Variants in GPHN observed in about 807,000 individuals in gnomAD.
The protein encoded by GPHN is gephyrin.
In GPHN, 17 loss-of-function variants were observed where a neutral mutation model predicts 95.5. The ratio of observed to expected loss-of-function variants is 0.18; its 90% CI spans 0.12 to 0.27. The LOEUF is 0.27. Ranked by LOEUF, GPHN falls within the 10% of genes least tolerant of loss-of-function variation. The pLI is 1.00. For missense variants in GPHN, 660 were observed against 978.1 expected (o/e 0.67, Z 4.34); for synonymous variants, 320 against 322.5 (o/e 0.99, Z 0.08).
At chr14:67,363,766 G>T in the GPHN span, among the ~76,000 whole-genome samples, 1 of 152,182 alleles carries the variant, frequency 6.6e-6, no homozygotes, top group African/African-American at 2.4e-5. Flanking sequence ...ATATAGGCAG[G>T]TGCCAATTAA....
rs562867339 is a variant in GPHN, at chr14:67,095,431, A to G, written c.1238-5425A>G. Among the ~76,000 whole-genome samples the G allele has an allele frequency of 5.5e-3, 843 of 152,084 alleles. 7 individuals carry two copies. Among genetic ancestry groups the G allele is most frequent in the Admixed American group, 9.8e-3 (149 of 15,270 alleles). On this transcript the variant is annotated intron_variant, in intron 12 of 22. Transcript: ENST00000478722. ...TGGCCCAGCCATCCCATTACTGGGT[A>G]TATACCCAAAGGACTATAAATCATG...
intron 9 of GPHN, among the ~76,000 whole-genome samples, chr14:67,013,646 G>T (rs994918660): frequency 1.3e-5 from 2 of 151,854 alleles, no homozygotes; most frequent in Non-Finnish European, 2.9e-5. Flanking sequence ...ACATATATTT[G>T]TACATCTTTC....
chr14:66,562,192 T>C (rs1950041041), intron 1 of GPHN, among the ~76,000 whole-genome samples: 1 of 152,156 alleles, frequency 6.6e-6, no homozygotes, highest in Admixed American at 6.6e-5. Flanking sequence ...GTTCTGTCTC[T>C]GGGGTCCTGT....
At position 67,119,650 on chromosome 14, in the gene GPHN, C is replaced by T. The variant is rs1394549324; in HGVS notation, c.1627-2606C>T. 2.0e-5 allele frequency among the ~76,000 whole-genome samples: 3 copies of T among 151,942 alleles called. No homozygotes were observed. The East Asian group carries it at 5.8e-4, about 29-fold the overall frequency. ...TACTAAAAATACAAAATTAGCCGGG[C>T]GTGGTGGCGCATGCCTGTAATCCCA... On this transcript the variant is annotated intron_variant, in intron 16 of 22. Transcript: ENST00000478722.
At chr14:67,143,547 G>A in intron 18 of GPHN, 98 bp downstream of exon 18, 1 of 818,622 alleles carries the variant, frequency 1.2e-6, no homozygotes, top group South Asian at 1.3e-5. Context: ...TCATAACGAG[G>A]CTCCCACAAA....
the GPHN span, among the ~76,000 whole-genome samples, chr14:67,252,721 G>GA: frequency 6.6e-6 from 1 of 152,132 alleles, no homozygotes; most frequent in African/African-American, 2.4e-5. Context: ...TGTTGAGAAT[G>GA]AAAAAAAGCT....
intron 1 of GPHN, among the ~76,000 whole-genome samples, chr14:66,611,861 T>C (rs1268691074): frequency 6.6e-6 from 1 of 152,136 alleles, no homozygotes; most frequent in Non-Finnish European, 1.5e-5. Flanking sequence ...ATACTATTCT[T>C]CACTGCTAGA....
chr14:66,836,228 C>G (rs1346599796), intron 4 of GPHN, among the ~76,000 whole-genome samples: 26 of 134,004 alleles, frequency 1.9e-4, no homozygotes, highest in African/African-American at 8.7e-4. Context: ...CAGCGTGGTA[C>G]TGGTACCAAA....
the GPHN span, chr14:67,733,640 T>C: frequency 1.3e-6 from 1 of 744,812 alleles, no homozygotes; most frequent in Non-Finnish European, 2.4e-6. Flanking sequence ...GAGTCTGGCA[T>C]ATATTGTATT....
At chr14:67,553,229 C>T in the GPHN span, among the ~76,000 whole-genome samples, 3 of 152,206 alleles carry the variant, frequency 2.0e-5, no homozygotes, top group African/African-American at 7.2e-5. Flanking sequence ...AGCTACAGAG[C>T]AGATTAGTTA....
the GPHN span, among the ~76,000 whole-genome samples, chr14:67,293,524 C>A: frequency 1.3e-5 from 2 of 152,082 alleles, no homozygotes; most frequent in African/African-American, 4.8e-5. Flanking sequence ...TAGATTAGCA[C>A]ATAATTGTCC....
intron 4 of GPHN, among the ~76,000 whole-genome samples, chr14:66,870,034 C>T (rs1308314808): frequency 6.6e-6 from 1 of 152,046 alleles, no homozygotes; most frequent in Non-Finnish European, 1.5e-5. Flanking sequence ...TTGTTATTGC[C>T]CTTAACTGTG....
chr14:66,984,750 C>G (rs889176195), intron 9 of GPHN, among the ~76,000 whole-genome samples: 2 of 152,126 alleles, frequency 1.3e-5, no homozygotes, highest in African/African-American at 4.8e-5. Context: ...TCACAGCTAA[C>G]TTGACCTATG....
the GPHN span, chr14:67,585,188 T>A: frequency 7.5e-5 from 13 of 173,892 alleles, no homozygotes; most frequent in African/African-American, 3.1e-4. Flanking sequence ...TGGAATGCCG[T>A]GTTTCCAAGA....
chr14:66,755,145 T>TATA (rs2153449856), intron 2 of GPHN, among the ~76,000 whole-genome samples: 1 of 152,126 alleles, frequency 6.6e-6, no homozygotes, highest in Non-Finnish European at 1.5e-5. Context: ...AGAATATGGA[T>TATA]TTATAAAGGT....
the GPHN span, among the ~76,000 whole-genome samples, chr14:67,567,480 A>G: frequency 6.6e-6 from 1 of 151,860 alleles, no homozygotes; most frequent in Non-Finnish European, 1.5e-5. Flanking sequence ...TTCCATGACC[A>G]CTCTGGGCAG....
At chr14:66,711,288 A>G (rs917627376) in intron 2 of GPHN, among the ~76,000 whole-genome samples, 2 of 152,154 alleles carry the variant, frequency 1.3e-5, no homozygotes, top group African/African-American at 4.8e-5. Context: ...AGAATATACA[A>G]TGTTTGGTTT....
At chr14:66,863,212 AG>A (rs2063098627) in intron 4 of GPHN, among the ~76,000 whole-genome samples, 1 of 150,904 alleles carries the variant, frequency 6.6e-6, no homozygotes, top group Admixed American at 6.6e-5. Flanking sequence ...AAAAAAAAAA[AG>A]TCCCATTTAC....
intron 11 of GPHN, among the ~76,000 whole-genome samples, chr14:67,077,927 G>A (rs1244360271): frequency 1.3e-5 from 2 of 152,064 alleles, no homozygotes; most frequent in Non-Finnish European, 2.9e-5. Flanking sequence ...TGTGGCCCAG[G>A]GTGCCCAGTG....
Sources: allele counts gnomAD v4.1 joint callset (sites outside exome capture counted in the v4.1 genomes callset), GRCh38; gene constraint gnomAD v4.1.1; transcripts MANE v1.5; gene names NCBI Gene and HGNC (gene_info 2026-07-23, HGNC 2026-07-21).